The following PEX5L variants were observed in gnomAD, a reference collection of about 807,000 sequenced individuals.
PEX5L encodes peroxisomal biogenesis factor 5 like, also known as PEX5-related protein.
Under a neutral mutation model 84.0 loss-of-function variants are expected in PEX5L, and 30 were observed. The ratio of observed to expected loss-of-function variants is 0.36; its 90% confidence interval spans 0.27 to 0.48. The LOEUF (loss-of-function observed/expected upper bound fraction) is 0.48. Among genes scored for constraint, PEX5L ranks in the 20% least tolerant of loss-of-function variants. PEX5L has a pLI of 0.99. For missense variants in PEX5L, 533 were observed against 754.6 expected (o/e 0.71, Z 3.44); for synonymous variants, 270 against 283.1 (o/e 0.95, Z 0.46).
chr3:179,863,955 A>C (rs1000944349), intron 7 of PEX5L, among the ~76,000 whole-genome samples: 1 of 152,106 alleles, frequency 6.6e-6, no homozygotes, highest in African/African-American at 2.4e-5. Context: ...TGCTCTTATG[A>C]TAGTGAATAA....
intron 2 of PEX5L, among the ~76,000 whole-genome samples, chr3:179,935,790 A>G (rs1774413852): frequency 6.6e-6 from 1 of 152,222 alleles, no homozygotes; most frequent in South Asian, 2.1e-4. Context: ...GGCCTCCACC[A>G]TCATGGGGAG....
In PEX5L at chr3:179,887,836, A is replaced by G. The variant is rs773269389; in HGVS notation, c.199-52T>C. ...AAGGGCTTTGTTAAACTGCAGAGTC[A>G]GATGAATTAAAATGCAGCCTTGCAA... On this transcript the variant is annotated intron_variant, in intron 3 of 14. Transcript: ENST00000467460. The G allele has an allele frequency of 4.2e-6, 5 of 1,194,606 alleles. No individual in the cohort carries two copies. In the South Asian group the frequency reaches 5.1e-5, roughly 12 times the overall value. The allele number at this position is 1,194,606 out of a possible 1,614,324, so 74.0% of individuals were successfully genotyped here.
intron 14 of PEX5L, among the ~76,000 whole-genome samples, chr3:179,803,512 C>A (rs539226386): frequency 6.6e-6 from 1 of 152,286 alleles, no homozygotes; most frequent in Non-Finnish European, 1.5e-5. Context: ...GCCCACTAGT[C>A]CACTCTGTTG....
intron 3 of PEX5L, among the ~76,000 whole-genome samples, chr3:179,893,067 T>C (rs961777950): frequency 6.6e-6 from 1 of 152,138 alleles, no homozygotes; most frequent in Non-Finnish European, 1.5e-5. Context: ...TAGGGGCTTG[T>C]TGTCAATCAG....
At chr3:179,936,199 C>T (rs80141180) in intron 2 of PEX5L, among the ~76,000 whole-genome samples, 2,918 of 152,098 alleles carry the variant, frequency 0.019, 114 homozygotes, top group African/African-American at 0.067. Flanking sequence ...TGGAGTTGAG[C>T]CAAATGATTC....
chr3:179,883,159 C>T (rs1376407752), intron 4 of PEX5L, among the ~76,000 whole-genome samples: 5 of 152,018 alleles, frequency 3.3e-5, no homozygotes, highest in Non-Finnish European at 2.9e-5. Context: ...TGTGTGTATG[C>T]GTGTGATAGT....
intron 1 of PEX5L, among the ~76,000 whole-genome samples, chr3:179,995,099 ATACACACAC>A (rs1787753002): frequency 6.8e-6 from 1 of 148,088 alleles, no homozygotes; most frequent in South Asian, 2.1e-4. Flanking sequence ...TAGTATATAT[ATACACACAC>A]TATATATACT....
chr3:179,956,201 T>C (rs1282569512), intron 2 of PEX5L, among the ~76,000 whole-genome samples: 1 of 152,214 alleles, frequency 6.6e-6, no homozygotes, highest in African/African-American at 2.4e-5. Context: ...TCATTGGCAG[T>C]GTCAGGAACT....
At chr3:179,806,814 G>A (rs549191503) in intron 14 of PEX5L, among the ~76,000 whole-genome samples, 29 of 152,246 alleles carry the variant, frequency 1.9e-4, no homozygotes, top group African/African-American at 7.0e-4. Flanking sequence ...AAAAATTATA[G>A]ACCAGAGTCA....
At chr3:179,897,984 AT>A (rs1759922416) in intron 3 of PEX5L, among the ~76,000 whole-genome samples, 157 bp downstream of exon 3, 1 of 152,084 alleles carries the variant, frequency 6.6e-6, no homozygotes, top group Non-Finnish European at 1.5e-5. Context: ...TTTTTTAGCA[AT>A]TTTGGTTTTC....
chr3:179,916,790 C>T (rs970647253), intron 2 of PEX5L, among the ~76,000 whole-genome samples: 13 of 152,124 alleles, frequency 8.5e-5, no homozygotes, highest in Non-Finnish European at 1.0e-4. Flanking sequence ...CCACCTCAGC[C>T]TCCTGAGCGG....
At chr3:179,894,426 G>C (rs999993668) in intron 3 of PEX5L, among the ~76,000 whole-genome samples, 9 of 152,092 alleles carry the variant, frequency 5.9e-5, no homozygotes, top group African/African-American at 1.9e-4. Context: ...ATAATCAAGT[G>C]ATAACTTTCA....
intron 1 of PEX5L, among the ~76,000 whole-genome samples, chr3:180,024,373 T>TATATATATATATATATATACACAC (rs1396023654): frequency 1.3e-5 from 1 of 79,026 alleles, no homozygotes; most frequent in Non-Finnish European, 2.3e-5. Flanking sequence ...TATATATATA[T>TATATATATATATATATATACACAC]ACACACACAA....
At chr3:179,830,694 T>C (rs1451273591) in intron 8 of PEX5L, among the ~76,000 whole-genome samples, 2 of 152,170 alleles carry the variant, frequency 1.3e-5, no homozygotes, top group Admixed American at 6.5e-5. Context: ...ACTAGAGAAA[T>C]ATTTTCTCTT....
In PEX5L at chr3:179,947,864, G is replaced by T. The variant is rs191731187; in HGVS notation, c.93+23730C>A. ...TGGGACTACAGGCACCCGCCACCACGCCTGGCTAATTTTTTGTATTTTTAG... is the reference window on the plus strand; with the variant it reads ...TGGGACTACAGGCACCCGCCACCACTCCTGGCTAATTTTTTGTATTTTTAG... On this transcript the variant is annotated intron_variant, in intron 2 of 14. Coordinates refer to ENST00000467460, the MANE Select transcript of PEX5L (RefSeq NM_016559.3). Among the ~76,000 whole-genome samples, 68 of 151,808 alleles carry T rather than the reference G, an allele frequency of 4.5e-4. 1 individual carries two copies. Among genetic ancestry groups the T allele is most frequent in the African/African-American group, 1.6e-3 (65 of 41,292 alleles).
intron 7 of PEX5L, among the ~76,000 whole-genome samples, chr3:179,871,659 T>C (rs1750439546): frequency 2.0e-5 from 3 of 152,140 alleles, no homozygotes; most frequent in Non-Finnish European, 4.4e-5. Flanking sequence ...AGGGGGGCAA[T>C]TGTTCAAATC....
At chr3:179,939,684 C>A (rs567036006) in intron 2 of PEX5L, among the ~76,000 whole-genome samples, 17 of 152,286 alleles carry the variant, frequency 1.1e-4, no homozygotes, top group Non-Finnish European at 7.4e-5. Context: ...TAGACTTCTT[C>A]ATTACCTAGA....
chr3:179,995,256 T>C (rs1201172763), intron 1 of PEX5L, among the ~76,000 whole-genome samples: 7 of 149,504 alleles, frequency 4.7e-5, no homozygotes, highest in Non-Finnish European at 8.9e-5. Context: ...TATATATTTT[T>C]TATATATGTA....
rs112574766 is a variant in PEX5L, at chr3:179,959,667, TA to T, written c.93+11926del. On this transcript the variant is annotated intron_variant, in intron 2 of 14. Transcript: ENST00000467460. ...TCATAATAAAGAAAATGAAAAATTA[TA>T]TTTTTTCATATAGCTTCTCTCAGGA... is the stretch of plus-strand genomic sequence containing the variant. Among the ~76,000 whole-genome samples the T allele has an allele frequency of 2.5e-4, 38 of 152,224 alleles. 1 individual carries two copies. The highest frequency in any genetic ancestry group is 7.2e-4 in the Admixed American group (11 of 15,282).
Sources: gnomAD v4.1 joint callset for allele counts (sites outside exome capture counted in the v4.1 genomes callset) on GRCh38, gnomAD v4.1.1 for gene constraint, MANE v1.5 for transcripts, NCBI Gene and HGNC (gene_info 2026-07-23, HGNC 2026-07-21) for gene names.